The following RAB2A variants were observed in gnomAD, a reference collection of about 807,000 sequenced individuals.
RAB2A encodes RAB2A, member RAS oncogene family.
In RAB2A, 7 loss-of-function variants were observed where a neutral mutation model predicts 32.5. That is an observed-to-expected ratio of 0.22 (90% confidence interval 0.12 to 0.40). RAB2A has a LOEUF of 0.40. RAB2A is among the 10% of genes least tolerant of loss of function. The pLI is 1.00. For synonymous variants in RAB2A, 79 were observed against 85.2 expected, an observed-to-expected ratio of 0.93 and a Z score of 0.40; for missense variants, 108 against 260.7, an observed-to-expected ratio of 0.41 and a Z score of 4.03.
intron 1 of RAB2A, among the ~76,000 whole-genome samples, chr8:60,546,988 A>T (rs542397261): frequency 9.2e-4 from 136 of 147,264 alleles, no homozygotes; most frequent in African/African-American, 3.4e-3. Flanking sequence ...AGGGAAGGTC[A>T]GCAGATAAAC....
chr8:60,601,031 C>T (rs1804126241), intron 6 of RAB2A, among the ~76,000 whole-genome samples: 1 of 152,140 alleles, frequency 6.6e-6, no homozygotes, highest in African/African-American at 2.4e-5. Context: ...TAACTGTGTA[C>T]ATCCAACTTA....
intron 6 of RAB2A, among the ~76,000 whole-genome samples, chr8:60,604,510 A>G (rs1342942956): frequency 1.3e-5 from 2 of 152,164 alleles, no homozygotes; most frequent in Admixed American, 1.3e-4. Context: ...GACTGCTTGA[A>G]TTGTGACCAA....
intron 1 of RAB2A, among the ~76,000 whole-genome samples, chr8:60,523,836 G>A (rs1025655043): frequency 2.6e-5 from 4 of 151,728 alleles, no homozygotes; most frequent in Non-Finnish European, 5.9e-5. Flanking sequence ...GACTACAGGC[G>A]CCCATGACCA....
intron 6 of RAB2A, among the ~76,000 whole-genome samples, chr8:60,604,513 G>A (rs1804193405): frequency 1.3e-5 from 2 of 152,142 alleles, no homozygotes; most frequent in Non-Finnish European, 2.9e-5. Flanking sequence ...TGCTTGAATT[G>A]TGACCAAAAT....
chr8:60,576,129 C>CT (rs1358504939), intron 3 of RAB2A: 10 of 436,400 alleles, frequency 2.3e-5, no homozygotes, highest in Non-Finnish European at 2.3e-5. Context: ...TGATAAGAGT[C>CT]TATCAGTGCC....
At chr8:60,541,487 C>T (rs1185087050) in intron 1 of RAB2A, among the ~76,000 whole-genome samples, 1 of 152,044 alleles carries the variant, frequency 6.6e-6, no homozygotes, top group Non-Finnish European at 1.5e-5. Context: ...TCAGGAGTTC[C>T]AGATCAGCCT....
intron 3 of RAB2A, among the ~76,000 whole-genome samples, chr8:60,579,490 C>T (rs1397344149): frequency 1.3e-5 from 2 of 152,178 alleles, no homozygotes; most frequent in African/African-American, 2.4e-5. Context: ...TTTTTCTTTA[C>T]ACTCTAAGCT....
intron 1 of RAB2A, among the ~76,000 whole-genome samples, chr8:60,551,321 GT>G (rs1807844315): frequency 6.6e-6 from 1 of 152,218 alleles, no homozygotes; most frequent in South Asian, 2.1e-4. Context: ...GGAGATACAT[GT>G]GGCTAATGCT....
intron 1 of RAB2A, among the ~76,000 whole-genome samples, chr8:60,517,798 T>C (rs1807232617): frequency 6.6e-6 from 1 of 152,004 alleles, no homozygotes; most frequent in African/African-American, 2.4e-5. Flanking sequence ...ATGTATTTTA[T>C]ATATATACAT....
chr8:60,530,263 A>G (rs1807456332), intron 1 of RAB2A, among the ~76,000 whole-genome samples: 1 of 150,172 alleles, frequency 6.7e-6, no homozygotes, highest in East Asian at 2.0e-4. Flanking sequence ...GTTCTGCCTC[A>G]GCCTCTCAAG....
intron 6 of RAB2A, among the ~76,000 whole-genome samples, chr8:60,617,633 C>CTGTG (rs1804468241): frequency 6.6e-6 from 1 of 152,134 alleles, no homozygotes; most frequent in South Asian, 2.1e-4. Context: ...GTAGTCCCAG[C>CTGTG]TACTCAGGAG....
At chr8:60,613,151 T>C (rs1722128662) in intron 6 of RAB2A, among the ~76,000 whole-genome samples, 2 of 152,200 alleles carry the variant, frequency 1.3e-5, no homozygotes, top group South Asian at 4.1e-4. Flanking sequence ...ATTCACTTTT[T>C]TAAGGTTTAG....
chr8:60,611,402 G>A (rs1804345958), intron 6 of RAB2A, among the ~76,000 whole-genome samples: 1 of 152,144 alleles, frequency 6.6e-6, no homozygotes, highest in Admixed American at 6.5e-5. Context: ...ATATATGAGT[G>A]GGAGCTTACC....
At chr8:60,563,347 A>T (rs1042114043) in intron 2 of RAB2A, among the ~76,000 whole-genome samples, 4 of 152,218 alleles carry the variant, frequency 2.6e-5, no homozygotes, top group Non-Finnish European at 5.9e-5. Context: ...AAGATGGTTC[A>T]TGTGCTGTTG....
At chr8:60,547,426 G>C (rs376471800) in intron 1 of RAB2A, among the ~76,000 whole-genome samples, 1 of 152,180 alleles carries the variant, frequency 6.6e-6, no homozygotes, top group African/African-American at 2.4e-5. Context: ...CCTCCCAGAC[G>C]GGGTGGTGGC....
chr8:60,559,102 A>G, intron 2 of RAB2A, 179 bp downstream of exon 2: 1 of 527,388 alleles, frequency 1.9e-6, no homozygotes, highest in Non-Finnish European at 3.4e-6. Context: ...ATATTACCTA[A>G]CTTTGTAGAA....
chr8:60,595,786 C>T (rs552252643), intron 6 of RAB2A, among the ~76,000 whole-genome samples: 4 of 152,152 alleles, frequency 2.6e-5, no homozygotes, highest in Non-Finnish European at 4.4e-5. Context: ...TTCAGCATCC[C>T]TTAGGTGCTC....
At chr8:60,595,170 GA>G (rs1347782676) in intron 6 of RAB2A, among the ~76,000 whole-genome samples, 1 of 152,008 alleles carries the variant, frequency 6.6e-6, no homozygotes, top group Non-Finnish European at 1.5e-5. Context: ...CATAAAGGAA[GA>G]AAAAAACATA....
intron 2 of RAB2A, among the ~76,000 whole-genome samples, chr8:60,566,840 T>C (rs1251097522): frequency 6.6e-6 from 1 of 152,220 alleles, no homozygotes; most frequent in African/African-American, 2.4e-5. Flanking sequence ...TAGCTCCTAC[T>C]TTATAAGCAA....
Sources: allele counts gnomAD v4.1 joint callset (sites outside exome capture counted in the v4.1 genomes callset), GRCh38; gene constraint gnomAD v4.1.1; transcripts MANE v1.5; gene names NCBI Gene and HGNC (gene_info 2026-07-23, HGNC 2026-07-21).